The following DIAPH3 variants were observed in gnomAD, a reference collection of about 807,000 sequenced individuals.
The protein encoded by DIAPH3 is protein diaphanous homolog 3.
A neutral mutation model predicts 144.3 loss-of-function variants in DIAPH3; 117 were observed. The ratio of observed to expected loss-of-function variants is 0.81; its 90% CI spans 0.70 to 0.95. The LOEUF (loss-of-function observed/expected upper bound fraction) is 0.95, where lower values mean the gene tolerates loss of function less well. Among genes scored for constraint, DIAPH3 ranks in the 40% least tolerant of loss-of-function variants. The pLI is 0.00. For synonymous variants in DIAPH3, 519 were observed against 488.9 expected (o/e 1.06, Z -0.81); for missense variants, 1,421 against 1,412.7 (o/e 1.01, Z -0.09).
intron 4 of DIAPH3, among the ~76,000 whole-genome samples, chr13:60,058,292 T>C (rs1020212482): frequency 6.6e-6 from 1 of 150,994 alleles, no homozygotes; most frequent in Non-Finnish European, 1.5e-5. Context: ...AAATGAAAAA[T>C]TGCTCATCAC....
At chr13:60,139,860 G>T (rs142564560) in intron 1 of DIAPH3, among the ~76,000 whole-genome samples, 2 of 152,034 alleles carry the variant, frequency 1.3e-5, no homozygotes, top group East Asian at 3.9e-4. Context: ...ATGCCTCTTC[G>T]TCTATTTCAG....
intron 17 of DIAPH3, among the ~76,000 whole-genome samples, chr13:59,955,440 T>C (rs1159281036): frequency 6.6e-6 from 1 of 152,168 alleles, no homozygotes; most frequent in African/African-American, 2.4e-5. Context: ...TCCTACATGA[T>C]TGTGAGGCCT....
In DIAPH3 at chr13:60,132,025, T is replaced by C. The variant is rs150263676; in HGVS notation, c.213+932A>G. 1.6e-4 allele frequency among the ~76,000 whole-genome samples: 24 copies of C among 152,346 alleles called. No individual in the cohort carries two copies. The East Asian group carries it at 4.4e-3, about 28-fold the overall frequency. Reference sequence around the variant, plus strand: ...GGTGAGAAATCTGTATTGTTACCAATTTCTATATGTTAGTATATGAAAATG... The same window carrying C: ...GGTGAGAAATCTGTATTGTTACCAACTTCTATATGTTAGTATATGAAAATG... On this transcript the variant is annotated intron_variant, in intron 2 of 27. Transcript: ENST00000400324.
intron 24 of DIAPH3, among the ~76,000 whole-genome samples, chr13:59,824,799 A>G (rs982456942): frequency 3.3e-5 from 5 of 152,122 alleles, no homozygotes; most frequent in African/African-American, 1.2e-4. Context: ...GTTGCCCTCT[A>G]AATCTTAACC....
At chr13:60,009,008 A>G (rs1265696440) in intron 8 of DIAPH3, among the ~76,000 whole-genome samples, 1 of 152,166 alleles carries the variant, frequency 6.6e-6, no homozygotes, top group East Asian at 1.9e-4. Context: ...GAAAAAGGTT[A>G]AGCAATCTGT....
chr13:59,781,232 T>A (rs2038721793), intron 25 of DIAPH3, among the ~76,000 whole-genome samples: 1 of 152,226 alleles, frequency 6.6e-6, no homozygotes, highest in Non-Finnish European at 1.5e-5. Context: ...GATTTCTCAG[T>A]GGCAACACTG....
chr13:60,011,819 T>G (rs547419272), intron 7 of DIAPH3, among the ~76,000 whole-genome samples: 2 of 152,338 alleles, frequency 1.3e-5, no homozygotes, highest in Non-Finnish European at 2.9e-5. Context: ...AGTTGTAAAC[T>G]CATTCTATAA....
intron 4 of DIAPH3, among the ~76,000 whole-genome samples, chr13:60,053,437 A>T (rs142606990): frequency 1.7e-3 from 261 of 152,276 alleles, no homozygotes; most frequent in African/African-American, 5.8e-3. Flanking sequence ...CTAAAATACC[A>T]AATGCAGCAT....
intron 1 of DIAPH3, among the ~76,000 whole-genome samples, chr13:60,150,646 A>C (rs1169519900): frequency 2.0e-5 from 3 of 152,190 alleles, no homozygotes; most frequent in Non-Finnish European, 4.4e-5. Flanking sequence ...AGCAGCACTG[A>C]GGACACACAG....
At chr13:59,845,622 T>C (rs1181878903) in intron 22 of DIAPH3, among the ~76,000 whole-genome samples, 1 of 152,176 alleles carries the variant, frequency 6.6e-6, no homozygotes, top group African/African-American at 2.4e-5. Flanking sequence ...CATATCCCTC[T>C]TCATCTAATC....
chr13:60,160,049 C>T (rs935185162), intron 1 of DIAPH3, among the ~76,000 whole-genome samples: 1 of 152,070 alleles, frequency 6.6e-6, no homozygotes, highest in Non-Finnish European at 1.5e-5. Flanking sequence ...CACGGTTAAC[C>T]CCGTCTCCAC....
intron 25 of DIAPH3, among the ~76,000 whole-genome samples, chr13:59,790,027 C>A (rs1468147419): frequency 6.6e-6 from 1 of 152,256 alleles, no homozygotes. Flanking sequence ...ACTATAAAGT[C>A]TATTGTTTAA....
intron 27 of DIAPH3, among the ~76,000 whole-genome samples, chr13:59,769,714 C>T (rs1003711473): frequency 2.0e-5 from 3 of 151,950 alleles, no homozygotes; most frequent in African/African-American, 7.3e-5. Context: ...GCTCAAAAAC[C>T]TCAACAATCC....
intron 1 of DIAPH3, among the ~76,000 whole-genome samples, chr13:60,134,632 C>T (rs769550697): frequency 3.5e-4 from 54 of 152,156 alleles, no homozygotes; most frequent in Non-Finnish European, 6.9e-4. Flanking sequence ...TCTTGTTATT[C>T]CACAATCAGA....
At chr13:59,960,199 A>G (rs2049666033) in intron 17 of DIAPH3, among the ~76,000 whole-genome samples, 1 of 152,216 alleles carries the variant, frequency 6.6e-6, no homozygotes, top group Non-Finnish European at 1.5e-5. Flanking sequence ...ATTACCTGTG[A>G]AGCTAGTAGG....
chr13:60,101,180 T>C (rs1481991553), intron 3 of DIAPH3, among the ~76,000 whole-genome samples: 2 of 152,238 alleles, frequency 1.3e-5, no homozygotes, highest in African/African-American at 4.8e-5. Flanking sequence ...GTATGTCCTC[T>C]TTATTGAGGA....
intron 27 of DIAPH3, among the ~76,000 whole-genome samples, chr13:59,764,439 C>T (rs965314536): frequency 6.6e-6 from 1 of 151,504 alleles, no homozygotes; most frequent in Non-Finnish European, 1.5e-5. Context: ...ATGGATCAGT[C>T]CATTTGCCAC....
chr13:60,151,090 A>G (rs1951759185), intron 1 of DIAPH3, among the ~76,000 whole-genome samples: 1 of 144,972 alleles, frequency 6.9e-6, no homozygotes, highest in African/African-American at 2.6e-5. Context: ...TCCCCCAGGA[A>G]AAAAAAAAAA....
chr13:59,701,116 C>A (rs1756402530), intron 27 of DIAPH3, among the ~76,000 whole-genome samples: 1 of 152,116 alleles, frequency 6.6e-6, no homozygotes, highest in African/African-American at 2.4e-5. Flanking sequence ...GCCTCCAAGT[C>A]TAAAAAATTA....
Sources: allele counts gnomAD v4.1 joint callset (sites outside exome capture counted in the v4.1 genomes callset), GRCh38; gene constraint gnomAD v4.1.1; transcripts MANE v1.5; gene names NCBI Gene and HGNC (gene_info 2026-07-23, HGNC 2026-07-21).